Variants in PDE4B observed in about 807,000 individuals in gnomAD.
PDE4B encodes 3',5'-cyclic-AMP phosphodiesterase 4B.
In PDE4B, 20 loss-of-function variants were observed where a neutral mutation model predicts 82.2. That is an observed-to-expected ratio of 0.24 (90% CI 0.17 to 0.35). The LOEUF (loss-of-function observed/expected upper bound fraction) is 0.35. Ranked by LOEUF, PDE4B falls within the 10% of genes least tolerant of loss-of-function variation. The pLI is 1.00. For missense variants in PDE4B, 655 were observed against 907.2 expected (o/e 0.72, Z 3.57); for synonymous variants, 320 against 318.9 (o/e 1.00, Z -0.04).
intron 3 of PDE4B, among the ~76,000 whole-genome samples, chr1:66,005,342 A>G (rs1334574738): frequency 1.3e-5 from 2 of 152,146 alleles, no homozygotes; most frequent in Non-Finnish European, 2.9e-5. Flanking sequence ...TAACCAATAT[A>G]TAATGAAGTG....
chr1:65,844,986 C>T (rs977252126), intron 1 of PDE4B, among the ~76,000 whole-genome samples: 1 of 152,178 alleles, frequency 6.6e-6, no homozygotes, highest in Non-Finnish European at 1.5e-5. Context: ...AACTGTATGC[C>T]TAGACAGTCC....
At chr1:66,179,085 C>G (rs2101388221) in intron 3 of PDE4B, among the ~76,000 whole-genome samples, 1 of 152,250 alleles carries the variant, frequency 6.6e-6, no homozygotes, top group African/African-American at 2.4e-5. Context: ...CTCCTGACCT[C>G]AGGTGATCTG....
chr1:66,175,492 C>T (rs1646915262), intron 3 of PDE4B, among the ~76,000 whole-genome samples: 1 of 152,138 alleles, frequency 6.6e-6, no homozygotes, highest in African/African-American at 2.4e-5. Flanking sequence ...TGGACAAATC[C>T]AAATATATTA....
intron 3 of PDE4B, among the ~76,000 whole-genome samples, chr1:66,072,269 A>G (rs545496685): frequency 6.6e-6 from 1 of 152,088 alleles, no homozygotes; most frequent in Non-Finnish European, 1.5e-5. Flanking sequence ...AGTAGAATTA[A>G]CCTTCCCCTC....
chr1:65,865,664 G>A (rs918140255), intron 1 of PDE4B, among the ~76,000 whole-genome samples: 1 of 152,156 alleles, frequency 6.6e-6, no homozygotes, highest in African/African-American at 2.4e-5. Flanking sequence ...CATTTCCCAG[G>A]TGAGGCATGC....
At chr1:66,078,854 C>A (rs1656569932) in intron 3 of PDE4B, among the ~76,000 whole-genome samples, 1 of 152,104 alleles carries the variant, frequency 6.6e-6, no homozygotes, top group African/African-American at 2.4e-5. Flanking sequence ...TTATCACCTT[C>A]ATCAAAGAAC....
At chr1:66,134,011 G>C (rs965428606) in intron 3 of PDE4B, among the ~76,000 whole-genome samples, 2 of 148,842 alleles carry the variant, frequency 1.3e-5, no homozygotes, top group African/African-American at 5.0e-5. Context: ...AAATGCATAG[G>C]TTGCTATCTC....
At chr1:65,839,202 T>C (rs1646178983) in intron 1 of PDE4B, among the ~76,000 whole-genome samples, 2 of 152,160 alleles carry the variant, frequency 1.3e-5, no homozygotes, top group South Asian at 4.1e-4. Context: ...GTTAGATGCA[T>C]GTTTTGCTGT....
chr1:66,187,341 G>A (rs993546913), intron 3 of PDE4B, among the ~76,000 whole-genome samples: 1 of 151,994 alleles, frequency 6.6e-6, no homozygotes, highest in African/African-American at 2.4e-5. Flanking sequence ...GATGATGCTG[G>A]CCGCATAAAA....
At chr1:66,371,295 C>A (rs541613383) in intron 16 of PDE4B, among the ~76,000 whole-genome samples, 7 of 150,414 alleles carry the variant, frequency 4.7e-5, no homozygotes, top group African/African-American at 7.5e-5. Flanking sequence ...GCCCTTTGAC[C>A]ATCTACCCCT....
intron 3 of PDE4B, among the ~76,000 whole-genome samples, chr1:66,010,500 CTAATT>C (rs1205240083): frequency 6.6e-6 from 1 of 151,606 alleles, no homozygotes; most frequent in Non-Finnish European, 1.5e-5. Context: ...AGTATACTAT[CTAATT>C]TATTTTATAG....
At chr1:66,007,812 T>A (rs1025526672) in intron 3 of PDE4B, among the ~76,000 whole-genome samples, 5 of 152,220 alleles carry the variant, frequency 3.3e-5, no homozygotes, top group Non-Finnish European at 7.3e-5. Context: ...TTATATCATT[T>A]AGTCTTCATC....
Position 66,005,910 on chromosome 1 carries a change from C to T in PDE4B, c.281+87075C>T, listed in dbSNP as rs569212931. 1.2e-4 allele frequency among the ~76,000 whole-genome samples: 18 copies of T among 152,248 alleles called. No homozygotes were observed. The South Asian group carries it at 3.7e-3, about 32-fold the overall frequency. ...CATTCATTTGATGCTGGTAGCTTTT[C>T]TGTCAAGTGGGATTAATAATTACCT... On this transcript the variant is annotated intron_variant, in intron 3 of 16. Transcript: ENST00000341517.
intron 3 of PDE4B, among the ~76,000 whole-genome samples, chr1:65,923,872 C>T (rs1647347629): frequency 6.6e-6 from 1 of 151,872 alleles, no homozygotes; most frequent in Non-Finnish European, 1.5e-5. Flanking sequence ...TTATATCTTC[C>T]TTATCAGATC....
chr1:65,924,297 A>G (rs1389606978), intron 3 of PDE4B, among the ~76,000 whole-genome samples: 5 of 148,398 alleles, frequency 3.4e-5, no homozygotes, highest in Non-Finnish European at 6.0e-5. Flanking sequence ...GATGGTCTCG[A>G]TCTCCTGACC....
intron 7 of PDE4B, among the ~76,000 whole-genome samples, chr1:66,273,185 C>T (rs1655635521): frequency 6.6e-6 from 1 of 152,168 alleles, no homozygotes; most frequent in African/African-American, 2.4e-5. Context: ...CTTTCTTTGT[C>T]CTCATCTCCC....
At chr1:66,289,596 C>A (rs116834548) in intron 7 of PDE4B, among the ~76,000 whole-genome samples, 6,802 of 151,646 alleles carry the variant, frequency 0.045, 225 homozygotes, top group Middle Eastern at 0.078. Flanking sequence ...GGGTTGGTGG[C>A]ATATAGACAG....
chr1:66,078,735 A>G (rs536006723), intron 3 of PDE4B, among the ~76,000 whole-genome samples: 85 of 152,284 alleles, frequency 5.6e-4, no homozygotes, highest in African/African-American at 1.9e-3. Context: ...ATCTGTTCAT[A>G]GATCTTAGAT....
intron 3 of PDE4B, among the ~76,000 whole-genome samples, chr1:66,011,280 G>A (rs1221168206): frequency 6.7e-6 from 1 of 148,534 alleles, no homozygotes; most frequent in African/African-American, 2.5e-5. Context: ...TGGATGGAAA[G>A]CTGGATTAAT....
Sources: gnomAD v4.1 joint callset for allele counts (sites outside exome capture counted in the v4.1 genomes callset) on GRCh38, gnomAD v4.1.1 for gene constraint, MANE v1.5 for transcripts, NCBI Gene and HGNC (gene_info 2026-07-23, HGNC 2026-07-21) for gene names.